CCDC171: variants seen among roughly 807,000 people sequenced by gnomAD.
CCDC171 encodes the protein coiled-coil domain-containing protein 171.
In CCDC171, 177 loss-of-function variants were observed where a neutral mutation model predicts 168.2. The ratio of observed to expected loss-of-function variants is 1.05; its 90% CI spans 0.93 to 1.19. The LOEUF (loss-of-function observed/expected upper bound fraction) is 1.19. Among genes scored for constraint, CCDC171 ranks in the 50% most tolerant of loss-of-function variants. The probability of loss-of-function intolerance (pLI) is 0.00; values close to 1 mark genes in which losing one functional copy is unlikely to be tolerated. For synonymous variants in CCDC171, 687 were observed against 540.8 expected (o/e 1.27, Z -3.75); for missense variants, 1,991 against 1,539.0 (o/e 1.29, Z -4.91).
intron 9 of CCDC171, among the ~76,000 whole-genome samples, chr9:15,671,213 C>A (rs2133249660): frequency 6.6e-6 from 1 of 152,222 alleles, no homozygotes; most frequent in African/African-American, 2.4e-5. Context: ...TATTTGTAAA[C>A]ACTAACAGAA....
chr9:15,594,774 AT>A (rs906792232), intron 6 of CCDC171, among the ~76,000 whole-genome samples: 10 of 152,064 alleles, frequency 6.6e-5, no homozygotes, highest in African/African-American at 2.2e-4. Flanking sequence ...TGTACTTTGC[AT>A]TTTTTCAGGA....
chr9:15,886,872 A>C (rs1238049798), intron 24 of CCDC171: 1 of 152,140 alleles, frequency 6.6e-6, no homozygotes, highest in Non-Finnish European at 1.5e-5. Flanking sequence ...ATGCTAAGCG[A>C]AATAAGCCAG....
At chr9:15,871,102 A>T (rs899606005) in intron 23 of CCDC171, among the ~76,000 whole-genome samples, 1 of 151,644 alleles carries the variant, frequency 6.6e-6, no homozygotes, top group Non-Finnish European at 1.5e-5. Context: ...TGTTCTTTCT[A>T]AAAATCAAAA....
intron 4 of CCDC171, among the ~76,000 whole-genome samples, chr9:15,589,999 C>T (rs982704188): frequency 6.6e-6 from 1 of 152,010 alleles, no homozygotes; most frequent in African/African-American, 2.4e-5. Flanking sequence ...GAATATTTAC[C>T]GTTATGGAAA....
chr9:15,698,062 TAG>T (rs1491007303), intron 11 of CCDC171, among the ~76,000 whole-genome samples: 3 of 107,110 alleles, frequency 2.8e-5, no homozygotes, highest in East Asian at 2.2e-4. Flanking sequence ...TTGTTAACTG[TAG>T]AGTTCAATAC....
chr9:15,681,883 A>G (rs1385201480), intron 10 of CCDC171, among the ~76,000 whole-genome samples: 3 of 152,214 alleles, frequency 2.0e-5, no homozygotes, highest in Admixed American at 6.5e-5. Flanking sequence ...AATTGTTTTA[A>G]TGACATGCCA....
intron 7 of CCDC171, among the ~76,000 whole-genome samples, chr9:15,654,414 A>G (rs999180892): frequency 1.3e-5 from 2 of 152,222 alleles, no homozygotes; most frequent in Admixed American, 1.3e-4. Context: ...AAAGGCCTCT[A>G]GAGAAGAAGG....
In CCDC171 at chr9:15,642,371, A is replaced by G. The variant is rs910061921; in HGVS notation, c.823-14756A>G. 6.7e-4 allele frequency among the ~76,000 whole-genome samples: 32 copies of G among 47,776 alleles called. 1 individual carries two copies. The highest frequency in any genetic ancestry group is 3.4e-3 in the East Asian group (1 of 294). The allele number at this position is 47,776 out of a possible 152,430, so 31.3% of individuals were successfully genotyped here. ...TATATATATATATATATATATATAT[A>G]TATATATATATATGCATTTTAACCA... On this transcript the variant is annotated intron_variant, in intron 7 of 25. Transcript: ENST00000380701.
chr9:15,569,169 T>A (rs928068617), intron 2 of CCDC171, among the ~76,000 whole-genome samples: 1 of 152,254 alleles, frequency 6.6e-6, no homozygotes, highest in African/African-American at 2.4e-5. Context: ...TTGAAACTTA[T>A]ATCCTTCGGA....
At chr9:15,578,617 A>G (rs2040864059) in intron 3 of CCDC171, among the ~76,000 whole-genome samples, 1 of 151,134 alleles carries the variant, frequency 6.6e-6, no homozygotes, top group South Asian at 2.1e-4. Flanking sequence ...TTAATTTTAT[A>G]AAAAGTTCTT....
intron 21 of CCDC171, among the ~76,000 whole-genome samples, chr9:15,790,186 C>A (rs2058182100): frequency 6.6e-6 from 1 of 152,210 alleles, no homozygotes; most frequent in South Asian, 2.1e-4. Context: ...TTGTCTTCCA[C>A]AATGGTTGAA....
intron 21 of CCDC171, among the ~76,000 whole-genome samples, chr9:15,812,307 A>G (rs2059390824): frequency 6.6e-6 from 1 of 152,232 alleles, no homozygotes; most frequent in Admixed American, 6.5e-5. Context: ...TTGCACACTC[A>G]TATACATACA....
the CCDC171 span, among the ~76,000 whole-genome samples, chr9:16,101,647 A>T: frequency 6.6e-6 from 1 of 152,252 alleles, no homozygotes; most frequent in East Asian, 1.9e-4. Context: ...CCAGAGAAAA[A>T]GGAAGTCAGG....
the CCDC171 span, among the ~76,000 whole-genome samples, chr9:16,082,642 G>T: frequency 1.3e-5 from 2 of 152,204 alleles, no homozygotes; most frequent in Admixed American, 1.3e-4. Context: ...TTATATATCT[G>T]TGGAGAGTGT....
chr9:15,915,843 T>G (rs1033231526), intron 24 of CCDC171, among the ~76,000 whole-genome samples: 1 of 152,210 alleles, frequency 6.6e-6, no homozygotes, highest in Non-Finnish European at 1.5e-5. Flanking sequence ...TTTTACCAAA[T>G]GCCTTCTCTG....
chr9:15,951,244 G>A (rs1186431632), intron 25 of CCDC171, among the ~76,000 whole-genome samples: 1 of 146,096 alleles, frequency 6.8e-6, no homozygotes, highest in Non-Finnish European at 1.5e-5. Flanking sequence ...GTATACCCAG[G>A]AATTGAACTC....
the CCDC171 span, among the ~76,000 whole-genome samples, chr9:16,108,809 G>A: frequency 7.9e-5 from 12 of 152,114 alleles, no homozygotes; most frequent in African/African-American, 2.9e-4. Context: ...ATGAGCAAAA[G>A]CCTCCTGAAG....
intron 16 of CCDC171, among the ~76,000 whole-genome samples, chr9:15,740,347 G>A (rs1325524170): frequency 2.0e-5 from 3 of 149,718 alleles, no homozygotes; most frequent in Non-Finnish European, 3.0e-5. Context: ...GTTTTTTTGT[G>A]CTTAGATCTG....
Position 15,729,624 on chromosome 9 carries a change from G to A in CCDC171, c.1875G>A (p.Glu625=), listed in dbSNP as rs1176314457. The A allele has an allele frequency of 1.2e-6, 2 of 1,611,982 alleles. No homozygotes were observed. The highest frequency in any genetic ancestry group is 8.5e-7 in the Non-Finnish European group (1 of 1,178,634). Residue 625 remains glutamate, a synonymous_variant, in exon 16 of 26, where the codon GAG becomes GAA. Transcript: ENST00000380701. Reference sequence around the variant, plus strand: ...TCCCCGTATAGATAAGGCATCTAGAGTATATCTGTAAAAACAAGTCTGACA... The same window carrying A: ...TCCCCGTATAGATAAGGCATCTAGAATATATCTGTAAAAACAAGTCTGACA... ...NRANEKIRHL[E]YICKNKSDTM...
Sources: gnomAD v4.1 joint callset for allele counts (sites outside exome capture counted in the v4.1 genomes callset) on GRCh38, gnomAD v4.1.1 for gene constraint, MANE v1.5 for transcripts, NCBI Gene and HGNC (gene_info 2026-07-23, HGNC 2026-07-21) for gene names.